IFT46: variants seen among roughly 807,000 people sequenced by gnomAD.
The protein encoded by IFT46 is intraflagellar transport 46.
A neutral mutation model predicts 39.6 loss-of-function variants in IFT46; 19 were observed. The ratio of observed to expected loss-of-function variants is 0.48; its 90% confidence interval spans 0.33 to 0.70. IFT46 has a LOEUF of 0.70. IFT46 is among the 30% of genes least tolerant of loss of function. The pLI, the probability that IFT46 is intolerant of heterozygous loss-of-function variation, is 0.01. For missense variants in IFT46, 334 were observed against 364.8 expected, an observed-to-expected ratio of 0.92 and a Z score of 0.69; for synonymous variants, 117 against 134.8, an observed-to-expected ratio of 0.87 and a Z score of 0.91.
intron 5 of IFT46, 36 bp from the exon 6 acceptor site, chr11:118,555,119 A>G (rs1565347781): frequency 6.4e-7 from 1 of 1,565,168 alleles, no homozygotes; most frequent in South Asian, 1.1e-5. Context: ...GGAGACAGTC[A>G]GAAAAAGTTA....
At chr11:118,557,185 G>A in intron 3 of IFT46, 140 bp from the exon 4 acceptor site, 2 of 713,290 alleles carry the variant, frequency 2.8e-6, no homozygotes, top group Middle Eastern at 3.9e-4. Context: ...CTTCCCAGAA[G>A]GGGCTTGAGA....
intron 8 of IFT46, 35 bp downstream of exon 8, chr11:118,552,179 T>C (rs1429409728): frequency 4.3e-6 from 7 of 1,612,320 alleles, no homozygotes; most frequent in South Asian, 1.1e-5. Flanking sequence ...AAGGTTACTA[T>C]GTGTTACTGT....
Position 118,545,413 on chromosome 11 carries a change from G to A in IFT46, c.815C>T (p.Ser272Leu), listed in dbSNP as rs45508996. 1.7e-5 allele frequency: 27 copies of A among 1,608,374 alleles called. No homozygotes were observed. Among genetic ancestry groups the A allele is most frequent in the Admixed American group, 5.0e-5 (3 of 59,968 alleles). The part of the protein sequence containing the change: ...LFSLYSEFKN[S>L]QHFKALAEGK... ...AACCCCTGATGCTTGGCTCACCTGT[G>A]AGTTCTTGAATTCTGAGTAGAGGGA... The change falls in exon 11 of 12, where the codon TCA becomes TTA. Residue 272 changes from serine to leucine, a missense_variant. By Grantham distance (145) the Ser-to-Leu change is moderately radical (BLOSUM62 -2). Coordinates refer to ENST00000264021, the MANE Select transcript of IFT46 (RefSeq NM_001168618.2).
At chr11:118,549,958 C>T (rs751357746) in intron 9 of IFT46, among the ~76,000 whole-genome samples, 1 of 148,532 alleles carries the variant, frequency 6.7e-6, no homozygotes, top group Non-Finnish European at 1.5e-5. Flanking sequence ...GAGTCTCGCT[C>T]TATTACCCAG....
At chr11:118,548,228 G>C (rs1345801201) in intron 9 of IFT46, among the ~76,000 whole-genome samples, 7 of 150,738 alleles carry the variant, frequency 4.6e-5, no homozygotes, top group Non-Finnish European at 8.8e-5. Flanking sequence ...TGCTTGGACG[G>C]TAATTTTTTC....
chr11:118,548,811 A>G (rs781050134), intron 9 of IFT46, among the ~76,000 whole-genome samples: 30 of 148,018 alleles, frequency 2.0e-4, no homozygotes, highest in Non-Finnish European at 3.6e-4. Context: ...CTTTTAATAG[A>G]GATGGGTCTA....
At chr11:118,550,306 T>C (rs1364986296) in intron 9 of IFT46, among the ~76,000 whole-genome samples, 2 of 152,230 alleles carry the variant, frequency 1.3e-5, no homozygotes, top group Admixed American at 6.5e-5. Context: ...CTAACTATCC[T>C]AATAGAATTA....
upstream of IFT46, among the ~76,000 whole-genome samples, chr11:118,575,200 G>A (rs1180448993): frequency 6.6e-6 from 1 of 152,028 alleles, no homozygotes; most frequent in Non-Finnish European, 1.5e-5. Context: ...GGATAGTCTC[G>A]ATCTCCTCAC....
At chr11:118,566,899 G>A (rs1938238838), upstream of IFT46, among the ~76,000 whole-genome samples, 1 of 151,968 alleles carries the variant, frequency 6.6e-6, no homozygotes, top group African/African-American at 2.4e-5. Context: ...TTTTCAAACT[G>A]TGGACATAAT....
At chr11:118,552,147 G>C in intron 8 of IFT46, 67 bp downstream of exon 8, 1 of 1,584,376 alleles carries the variant, frequency 6.3e-7, no homozygotes, top group East Asian at 2.2e-5. Flanking sequence ...CTCTTCTCAG[G>C]AGCAACAGTT....
At chr11:118,570,045 C>CTTTT (rs1162103875), upstream of IFT46, among the ~76,000 whole-genome samples, 29 of 113,542 alleles carry the variant, frequency 2.6e-4, no homozygotes, top group Non-Finnish European at 3.8e-4. Flanking sequence ...CCACGCCCAG[C>CTTTT]TTTTTTTTTT....
intron 7 of IFT46, 128 bp from the exon 8 acceptor site, chr11:118,552,463 G>A: frequency 9.0e-7 from 1 of 1,105,206 alleles, no homozygotes; most frequent in South Asian, 1.5e-5. Flanking sequence ...ACGTGAAACA[G>A]TAGCCAAATG....
intron 3 of IFT46, among the ~76,000 whole-genome samples, chr11:118,558,810 C>T (rs1160701101): frequency 2.6e-5 from 4 of 151,162 alleles, no homozygotes; most frequent in African/African-American, 4.9e-5. Context: ...CCCAGCTACT[C>T]GGGAGGCTGA....
intron 9 of IFT46, among the ~76,000 whole-genome samples, chr11:118,547,575 G>A (rs1353421025): frequency 4.0e-5 from 6 of 150,904 alleles, no homozygotes. Flanking sequence ...TGCGCCACCA[G>A]GCCCGGCTAA....
intron 1 of IFT46, chr11:118,572,388 A>G: frequency 5.9e-6 from 1 of 168,460 alleles, no homozygotes; most frequent in Admixed American, 1.0e-4. Context: ...CTTCCGGTTG[A>G]AGACGTGGCT....
chr11:118,546,007 C>A lies in IFT46; in HGVS notation c.673-154G>T, dbSNP rs143750903. 8.0e-4 allele frequency: 574 copies of A among 719,342 alleles called. 2 individuals carry two copies. In the African/African-American group the frequency reaches 8.5e-3, roughly 11 times the overall value. 44.6% of individuals were successfully genotyped at this position (719,342 alleles called of 1,614,324 possible). ...AATTCAGATATTGAGTTCCTAACTC[C>A]CTGTACTTCAGAATGTGACTATATT... On this transcript the variant is annotated intron_variant, in intron 9 of 11. Transcript: ENST00000264021.
At chr11:118,569,352 G>T (rs1397695205), upstream of IFT46, among the ~76,000 whole-genome samples, 1 of 151,786 alleles carries the variant, frequency 6.6e-6, no homozygotes, top group Non-Finnish European at 1.5e-5. Context: ...CAGAACTTTG[G>T]GGGGACAAGA....
intron 10 of IFT46, 43 bp downstream of exon 10, chr11:118,545,748 GTC>G: frequency 6.4e-7 from 1 of 1,573,150 alleles, no homozygotes. Flanking sequence ...AGCCTAGAGT[GTC>G]TCTATCCAGA....
intron 9 of IFT46, among the ~76,000 whole-genome samples, chr11:118,550,740 C>A (rs1244282356): frequency 6.6e-6 from 1 of 152,068 alleles, no homozygotes; most frequent in Non-Finnish European, 1.5e-5. Flanking sequence ...AAAAAACTAT[C>A]TTTCTTGGCC....
Sources: allele counts gnomAD v4.1 joint callset (sites outside exome capture counted in the v4.1 genomes callset), GRCh38; gene constraint gnomAD v4.1.1; transcripts MANE v1.5; gene names NCBI Gene and HGNC (gene_info 2026-07-23, HGNC 2026-07-21).